ADCY4: variants seen among roughly 807,000 people sequenced by gnomAD.
The protein encoded by ADCY4 is adenylate cyclase type 4.
A neutral mutation model predicts 125.5 loss-of-function variants in ADCY4; 111 were observed. The observed-to-expected ratio is 0.88, with a 90% CI of 0.76 to 1.04. The LOEUF (loss-of-function observed/expected upper bound fraction) is 1.04, where lower values mean the gene tolerates loss of function less well. ADCY4 is among the 50% of genes least tolerant of loss of function. The pLI, the probability that ADCY4 is intolerant of heterozygous loss-of-function variation, is 0.00. For synonymous variants in ADCY4, 576 were observed against 586.9 expected, an observed-to-expected ratio of 0.98 and a Z score of 0.27; for missense variants, 1,256 against 1,382.9, an observed-to-expected ratio of 0.91 and a Z score of 1.46.
chr14:24,321,993 A>C (rs1432144578), intron 20 of ADCY4, 73 bp downstream of exon 20: 1 of 1,507,648 alleles, frequency 6.6e-7, no homozygotes, highest in Admixed American at 2.0e-5. Flanking sequence ...AAAACGGGCC[A>C]TAGGTCAAGG....
At chr14:24,321,968 C>T (rs2041858312) in intron 20 of ADCY4, 98 bp downstream of exon 20, 3 of 1,481,772 alleles carry the variant, frequency 2.0e-6, no homozygotes, top group Non-Finnish European at 2.7e-6. Context: ...GGTGACCCTT[C>T]TGGGGGTTCT....
rs2042034368 is a variant in ADCY4, at chr14:24,331,147, T to C, written c.819-18A>G. 5.6e-6 allele frequency: 9 copies of C among 1,612,992 alleles called. No homozygotes were observed. Among genetic ancestry groups the C allele is most frequent in the Non-Finnish European group, 7.6e-6 (9 of 1,179,094 alleles). ...ACAGCACGCTGCATAGGGCAGACTG[T>C]GTCAGCAGGGCCAGGGTCTTAGCCC... On this transcript the variant is annotated intron_variant, in intron 5 of 24. Coordinates refer to ENST00000418030, the MANE Select transcript of ADCY4 (RefSeq NM_001198568.2).
At position 24,323,025 on chromosome 14, in the gene ADCY4, C is replaced by G; in HGVS notation, c.2221G>C (p.Glu741Gln). 6.2e-7 allele frequency: 1 copy of G among 1,614,044 alleles called. No homozygotes were observed. Among genetic ancestry groups the G allele is most frequent in the Middle Eastern group, 1.7e-4 (1 of 6,054 alleles). Reference sequence around the variant, plus strand: ...AGCAGGAGCAGCAGCAGCTTCAGCTCGAAGCTCATGTGCAGAAAGAGGGAG... The same window carrying G: ...AGCAGGAGCAGCAGCAGCTTCAGCTGGAAGCTCATGTGCAGAAAGAGGGAG... ...SCSLFLHMSFELKLLLLLLWL... is the reference protein window; with the variant it reads ...SCSLFLHMSFQLKLLLLLLWL... The change falls in exon 18 of 25, where the codon GAG becomes CAG. Residue 741 changes from glutamate (E) to glutamine (Q), a missense_variant. By Grantham distance (29) the Glu-to-Gln change is conservative (BLOSUM62 2). Transcript: ENST00000418030.
intron 1 of ADCY4, 79 bp downstream of exon 1, chr14:24,334,415 C>A: frequency 1.4e-6 from 2 of 1,460,890 alleles, no homozygotes; most frequent in Non-Finnish European, 1.8e-6. Context: ...GAAAACACAT[C>A]GAAAAGAAGA....
At position 24,334,658 on chromosome 14, in the gene ADCY4, C is replaced by T. The variant is rs1015067263; in HGVS notation, c.-6G>A. 3.3e-6 allele frequency: 5 copies of T among 1,537,270 alleles called. No homozygotes were observed. In the Admixed American group the frequency reaches 8.1e-5, roughly 25 times the overall value. ...GGGCTGAAGAGGCGGGCCATGATCT[C>T]CCCAGCCCCGAGCCCCGGGGCTGGC... On this transcript the variant is annotated 5_prime_UTR_variant, in exon 1 of 25. Transcript: ENST00000418030.
chr14:24,321,069 T>C (rs934852964), intron 20 of ADCY4, among the ~76,000 whole-genome samples: 1 of 150,842 alleles, frequency 6.6e-6, no homozygotes, highest in African/African-American at 2.4e-5. Context: ...AGTTATTAGG[T>C]TGGTGCAAAA....
In ADCY4 at chr14:24,319,086, G is replaced by T. The variant is rs2041813635; in HGVS notation, c.2956+12C>A. 6.2e-7 allele frequency: 1 copy of T among 1,613,340 alleles called. No homozygotes were observed. The highest frequency in any genetic ancestry group is 1.3e-5 in the African/African-American group (1 of 74,892). On this transcript the variant is annotated intron_variant, in intron 23 of 24. Transcript: ENST00000418030. The surrounding 1 kb of genome is among the most constrained non-coding windows in gnomAD (Gnocchi z 4.5). Reference sequence around the variant, plus strand: ...GAGGTACCAGACTGCTGCAGCAGGGGAAGTCTCTCACCCACTCGCAGGCGG... The same window carrying T: ...GAGGTACCAGACTGCTGCAGCAGGGTAAGTCTCTCACCCACTCGCAGGCGG...
intron 7 of ADCY4, 38 bp downstream of exon 7, chr14:24,330,130 C>T: frequency 1.2e-6 from 2 of 1,603,922 alleles, no homozygotes; most frequent in Non-Finnish European, 1.7e-6. Context: ...CCCCCACATC[C>T]ACCCTCAGCA....
At chr14:24,324,665 G>A (rs1386884051) in intron 14 of ADCY4, among the ~76,000 whole-genome samples, 1 of 152,168 alleles carries the variant, frequency 6.6e-6, no homozygotes, top group Non-Finnish European at 1.5e-5. Context: ...ACTGATCTCT[G>A]GGCCTTTAGC....
chr14:24,319,064 G>A lies in ADCY4; in HGVS notation c.2956+34C>T. The A allele has an allele frequency of 6.2e-7, 1 of 1,608,660 alleles. No homozygotes were observed. Among genetic ancestry groups the A allele is most frequent in the Non-Finnish European group, 8.5e-7 (1 of 1,175,292 alleles). On this transcript the variant is annotated intron_variant, in intron 23 of 24. Coordinates refer to ENST00000418030, the MANE Select transcript of ADCY4 (RefSeq NM_001198568.2). This position sits in a 1 kb window ranked among gnomAD's most constrained non-coding sequence, Gnocchi z 4.5. The stretch of plus-strand genomic sequence containing the variant: ...GGGGCAAGCTCAGGAAGGTGAGGAG[G>A]TACCAGACTGCTGCAGCAGGGGAAG...
At chr14:24,332,463 A>C (rs75318206) in intron 3 of ADCY4, 59 bp downstream of exon 3, 37,702 of 1,517,390 alleles carry the variant, frequency 0.025, 1,743 homozygotes, top group East Asian at 0.21. Context: ...CCCTAAAAGG[A>C]GCCTACTAGC....
chr14:24,319,160 G>A lies in ADCY4; in HGVS notation c.2894C>T (p.Ala965Val), dbSNP rs1305399208. Reference sequence around the variant, plus strand: ...GATGACGTCCAGCTTAGACCCCAGGGCCACGGCAAATTCCACCATAGTGCC... The same window carrying A: ...GATGACGTCCAGCTTAGACCCCAGGACCACGGCAAATTCCACCATAGTGCC... ...HLGTMVEFAVALGSKLDVINK... is the reference protein window; with the variant it reads ...HLGTMVEFAVVLGSKLDVINK... The change falls in exon 23 of 25, where the codon GCC becomes GTC. Residue 965 changes from alanine (A) to valine (V), a missense_variant. Physicochemically the swap from Ala to Val is moderately conservative, Grantham distance 64. Transcript: ENST00000418030. This position sits in a 1 kb window ranked among gnomAD's most constrained non-coding sequence, Gnocchi z 4.5. 1 of 1,614,054 alleles carries A rather than the reference G, an allele frequency of 6.2e-7. No individual in the cohort carries two copies. The highest frequency in any genetic ancestry group is 8.5e-7 in the Non-Finnish European group (1 of 1,180,012).
rs767293320 is a variant in ADCY4, at chr14:24,331,092, C to G, written c.856G>C (p.Ala286Pro). The change falls in exon 6 of 25, where the codon GCC becomes CCC. Residue 286 changes from alanine to proline, a missense_variant. By Grantham distance (27) the Ala-to-Pro change is conservative. Transcript: ENST00000418030. ...AGCTCCTTAGGGGAACACTCGCTGG[C>G]CAGCCGCGTGAAGCCCACGATGTCA... The part of the protein sequence containing the change: ...YADIVGFTRL[A>P]SECSPKELVL... 1.1e-5 allele frequency: 17 copies of G among 1,613,342 alleles called. No individual in the cohort carries two copies. The highest frequency in any genetic ancestry group is 1.4e-5 in the Non-Finnish European group (16 of 1,179,490).
chr14:24,330,608 A>C, intron 6 of ADCY4: 1 of 353,060 alleles, frequency 2.8e-6, no homozygotes, highest in Non-Finnish European at 5.2e-6. Context: ...GGAATCCAAG[A>C]ATTGGTTGCT....
In ADCY4 at chr14:24,319,658, C is replaced by T. The variant is rs1295577880; in HGVS notation, c.2733+84G>A. ...GTGGAGGGGAGGATTGACTTCATGG[C>T]CAGAAAAGCAAAGTGGAAGGAGGTA... is the stretch of plus-strand genomic sequence containing the variant. On this transcript the variant is annotated intron_variant, in intron 21 of 24. Transcript: ENST00000418030. This position sits in a 1 kb window ranked among gnomAD's most constrained non-coding sequence, Gnocchi z 4.5. The T allele has an allele frequency of 3.8e-6, 6 of 1,569,688 alleles. No individual in the cohort carries two copies. In the African/African-American group the frequency reaches 8.1e-5, roughly 21 times the overall value.
At position 24,329,182 on chromosome 14, in the gene ADCY4, T is replaced by C. The variant is rs1042360542; in HGVS notation, c.1403A>G (p.Glu468Gly). 8.7e-6 allele frequency: 14 copies of C among 1,613,906 alleles called. No homozygotes were observed. Among genetic ancestry groups the C allele is most frequent in the Non-Finnish European group, 1.1e-5 (13 of 1,179,912 alleles). The change falls in exon 10 of 25, where the codon GAG becomes GGG. Residue 468 changes from glutamate to glycine, a missense_variant. By Grantham distance (98) the Glu-to-Gly change is moderately conservative. Coordinates refer to ENST00000418030, the MANE Select transcript of ADCY4 (RefSeq NM_001198568.2). ...CAGTGATGGACGCATCTTGAGGCCC[T>C]CAAGCGAGGACAGCAAGCCTCCTGC... ...GTAGGLLSSL[E>G]GLKMRPSLLM...
chr14:24,330,985 G>C (rs1477148812), intron 6 of ADCY4, 33 bp downstream of exon 6: 2 of 1,557,902 alleles, frequency 1.3e-6, no homozygotes, highest in Admixed American at 1.8e-5. Flanking sequence ...GATGTTTGAG[G>C]GTCCCTGGGT....
chr14:24,332,083 C>T, intron 3 of ADCY4, 146 bp from the exon 4 acceptor site: 1 of 1,076,300 alleles, frequency 9.3e-7, no homozygotes, highest in Non-Finnish European at 1.2e-6. Flanking sequence ...CACACTGTGG[C>T]ATCCCTAGGG....
At position 24,331,450 on chromosome 14, in the gene ADCY4, T is replaced by A. The variant is rs112287635; in HGVS notation, c.670-94A>T. The A allele has an allele frequency of 3.2e-6, 5 of 1,545,942 alleles. No homozygotes were observed. The African/African-American group carries it at 6.8e-5, about 21-fold the overall frequency. ...ACTCAGGAGCCCACACTGCCCATCC[T>A]AGGTGCTCCCCAGGGTGCTCCCCCA... is the stretch of plus-strand genomic sequence containing the variant. On this transcript the variant is annotated intron_variant, in intron 4 of 24. Transcript: ENST00000418030.
Sources: allele counts gnomAD v4.1 joint callset (sites outside exome capture counted in the v4.1 genomes callset), GRCh38; gene constraint gnomAD v4.1.1; non-coding constraint Gnocchi (gnomAD v3.1); transcripts MANE v1.5; gene names NCBI Gene and HGNC (gene_info 2026-07-23, HGNC 2026-07-21).